The following MICAL2 variants were observed in gnomAD, a reference collection of about 807,000 sequenced individuals.
MICAL2 encodes microtubule associated monooxygenase, calponin and LIM domain containing 2.
MICAL2 carries 77 observed loss-of-function variants against 127.3 expected under a neutral mutation model. The ratio of observed to expected loss-of-function variants is 0.60; its 90% CI spans 0.50 to 0.73. The LOEUF (loss-of-function observed/expected upper bound fraction) is 0.73. Ranked by LOEUF, MICAL2 falls within the 30% of genes least tolerant of loss-of-function variation. The pLI is 0.00. For synonymous variants in MICAL2, 570 were observed against 551.1 expected (o/e 1.03, Z -0.48); for missense variants, 1,351 against 1,434.4 (o/e 0.94, Z 0.94).
chr11:12,150,131 G>A (rs1853412691), intron 2 of MICAL2, among the ~76,000 whole-genome samples: 1 of 152,176 alleles, frequency 6.6e-6, no homozygotes, highest in South Asian at 2.1e-4. Context: ...CCTAGGCTGT[G>A]AGGGGAAGAA....
intron 2 of MICAL2, among the ~76,000 whole-genome samples, chr11:12,157,024 A>G (rs1381631147): frequency 1.3e-5 from 2 of 152,146 alleles, no homozygotes; most frequent in Non-Finnish European, 2.9e-5. Context: ...GATTGCATTG[A>G]CCTTGAAACA....
chr11:12,303,598 A>G (rs1602971), intron 29 of MICAL2: 63,195 of 152,076 alleles, frequency 0.42, 15,222 homozygotes, highest in Non-Finnish European at 0.55. Context: ...CATCTCATTA[A>G]TAATTCTTGG....
chr11:12,223,204 C>T (rs1487986383), intron 11 of MICAL2, among the ~76,000 whole-genome samples: 2 of 152,142 alleles, frequency 1.3e-5, no homozygotes, highest in African/African-American at 2.4e-5. Flanking sequence ...ACAGACATTC[C>T]CACTTAGTTT....
chr11:12,342,096 A>G (rs58679224), intron 32 of MICAL2, among the ~76,000 whole-genome samples: 1,654 of 152,360 alleles, frequency 0.011, 37 homozygotes, highest in African/African-American at 0.038. Flanking sequence ...ACACAGGAGC[A>G]ATTGAAGAGC....
intron 29 of MICAL2, among the ~76,000 whole-genome samples, chr11:12,300,890 A>G (rs1481760400): frequency 6.6e-6 from 1 of 152,226 alleles, no homozygotes; most frequent in African/African-American, 2.4e-5. Flanking sequence ...AAAAACCCAT[A>G]CAAGTATATA....
intron 2 of MICAL2, 50 bp from the exon 3 acceptor site, chr11:12,162,029 C>A: frequency 1.5e-6 from 2 of 1,341,126 alleles, no homozygotes; most frequent in Non-Finnish European, 2.1e-6. Flanking sequence ...CCATCCCCCA[C>A]CCTAACCTCA....
intron 24 of MICAL2, 22 bp from the exon 25 acceptor site, chr11:12,258,446 A>ATG: frequency 6.2e-7 from 1 of 1,602,606 alleles, no homozygotes; most frequent in Admixed American, 1.7e-5. Context: ...ATTTTTCTGT[A>ATG]TGTGTGTGCC....
chr11:12,246,959 C>T (rs942663785), intron 21 of MICAL2, among the ~76,000 whole-genome samples: 22 of 152,028 alleles, frequency 1.4e-4, no homozygotes, highest in East Asian at 7.7e-4. Flanking sequence ...AAAATTAGAG[C>T]TGGTGGTGGG....
intron 32 of MICAL2, among the ~76,000 whole-genome samples, chr11:12,347,088 TG>T (rs1490295356): frequency 1.3e-5 from 2 of 151,014 alleles, no homozygotes; most frequent in Non-Finnish European, 3.0e-5. Flanking sequence ...TCCCAATCTC[TG>T]TCTCCACCGT....
chr11:12,265,097 A>G (rs531411122), downstream of MICAL2, among the ~76,000 whole-genome samples: 3 of 152,350 alleles, frequency 2.0e-5, no homozygotes, highest in South Asian at 6.2e-4. Context: ...TTCACCAACA[A>G]AGGAGTCCAT....
chr11:12,215,565 G>GTGATGC (rs1856039053), intron 7 of MICAL2, among the ~76,000 whole-genome samples: 1 of 152,200 alleles, frequency 6.6e-6, no homozygotes, highest in African/African-American at 2.4e-5. Flanking sequence ...ATGTCCTCAG[G>GTGATGC]TGATGCTGAT....
chr11:12,320,472 A>G (rs1353174701), intron 30 of MICAL2, among the ~76,000 whole-genome samples: 2 of 152,024 alleles, frequency 1.3e-5, no homozygotes, highest in African/African-American at 2.4e-5. Context: ...ACCAAAGCCC[A>G]TCATTGTTTT....
At chr11:12,240,088 G>A (rs1409082738) in intron 17 of MICAL2, among the ~76,000 whole-genome samples, 2 of 152,188 alleles carry the variant, frequency 1.3e-5, no homozygotes, top group African/African-American at 4.8e-5. Flanking sequence ...CTAACCAGAG[G>A]AACTGAGTCT....
chr11:12,231,118 C>T (rs944507051), intron 15 of MICAL2, among the ~76,000 whole-genome samples: 1 of 152,216 alleles, frequency 6.6e-6, no homozygotes, highest in Middle Eastern at 3.2e-3. Flanking sequence ...CAGACATACA[C>T]CCTCAGACTC....
At position 12,297,348 on chromosome 11, in the gene MICAL2, C is replaced by A. The variant is rs544411425; in HGVS notation, c.5212+2491C>A. ...TTTTCTGTGACCAGTTGATACTGTC[C>A]TTTGTCCAGTTTTCTATTGGTTTGT... On this transcript the variant is annotated intron_variant, in intron 29 of 34. Coordinates refer to the MICAL2 transcript ENST00000646065. Among the ~76,000 whole-genome samples the A allele has an allele frequency of 2.6e-5, 4 of 152,122 alleles. No homozygotes were observed. In the South Asian group the frequency reaches 8.3e-4, roughly 32 times the overall value.
At chr11:12,125,321 T>G (rs1850826182) in intron 1 of MICAL2, among the ~76,000 whole-genome samples, 1 of 152,260 alleles carries the variant, frequency 6.6e-6, no homozygotes, top group Admixed American at 6.5e-5. Flanking sequence ...TGGCGCGATC[T>G]CGGCTCACTG....
At chr11:12,225,767 G>A (rs1857343215) in intron 13 of MICAL2, 2 of 214,456 alleles carry the variant, frequency 9.3e-6, no homozygotes, top group South Asian at 7.0e-5. Context: ...TTATAGGTAT[G>A]AGCCACTGCG....
chr11:12,174,272 A>G (rs1488660699), intron 3 of MICAL2, among the ~76,000 whole-genome samples: 4 of 152,174 alleles, frequency 2.6e-5, no homozygotes, highest in Non-Finnish European at 5.9e-5. Context: ...TGGTACACCC[A>G]TTACTATCAT....
At chr11:12,278,614 C>T (rs1488525807) in intron 1 of MICAL2, among the ~76,000 whole-genome samples, 1 of 152,188 alleles carries the variant, frequency 6.6e-6, no homozygotes, top group African/African-American at 2.4e-5. Flanking sequence ...ATCAGCAGGC[C>T]TCGCTTTGGG....
Sources: gnomAD v4.1 joint callset for allele counts (sites outside exome capture counted in the v4.1 genomes callset) on GRCh38, gnomAD v4.1.1 for gene constraint, MANE v1.5 for transcripts, NCBI Gene and HGNC (gene_info 2026-07-23, HGNC 2026-07-21) for gene names.